Variants in AGPAT4 observed in about 807,000 individuals in gnomAD.
AGPAT4 encodes 1-acyl-sn-glycerol-3-phosphate acyltransferase delta.
Under a neutral mutation model 48.0 loss-of-function variants are expected in AGPAT4, and 15 were observed. That is an observed-to-expected ratio of 0.31 (90% CI 0.21 to 0.48). The LOEUF is 0.48. Ranked by LOEUF, AGPAT4 falls within the 20% of genes least tolerant of loss-of-function variation. AGPAT4 has a pLI of 0.99. For synonymous variants in AGPAT4, 178 were observed against 198.7 expected (o/e 0.90, Z 0.88); for missense variants, 314 against 482.5 (o/e 0.65, Z 3.27).
rs948466760 is a variant in AGPAT4, at chr6:161,130,651, G to A, written c.*5889C>T. 1.1e-5 allele frequency: 3 copies of A among 278,358 alleles called. No homozygotes were observed. The highest frequency in any genetic ancestry group is 6.5e-5 in the African/African-American group (3 of 45,832). The allele number at this position is 278,358 out of a possible 1,614,324, so 17.2% of individuals were successfully genotyped here. ...TCCTTGATAGAACAAGCAAAAGAGG[G>A]GCTGATCCATCTCCCGTGAACATCT... On this transcript the variant is annotated 3_prime_UTR_variant, in exon 9 of 9. Transcript: ENST00000320285.
In AGPAT4 at chr6:161,242,863, A is replaced by T. The variant is rs1464189015; in HGVS notation, c.-89-10561T>A. On this transcript the variant is annotated intron_variant, in intron 1 of 8. Coordinates refer to ENST00000320285, the MANE Select transcript of AGPAT4 (RefSeq NM_020133.3). The surrounding 1 kb of genome is among the most constrained non-coding windows in gnomAD (Gnocchi z 5.0). ...TGGGTGGCTCACCTGAGGTCAGGAG[A>T]TCGAGGCCAGCCTGGCCAACATAGT... is the stretch of plus-strand genomic sequence containing the variant. Among the ~76,000 whole-genome samples, 1 of 152,026 alleles carries T rather than the reference A, an allele frequency of 6.6e-6. No individual in the cohort carries two copies. The highest frequency in any genetic ancestry group is 1.5e-5 in the Non-Finnish European group (1 of 67,998).
intron 2 of AGPAT4, among the ~76,000 whole-genome samples, chr6:161,209,188 C>A (rs940270912): frequency 6.6e-6 from 1 of 152,072 alleles, no homozygotes; most frequent in African/African-American, 2.4e-5. Flanking sequence ...ACTCCAGCAC[C>A]CTCTGGAGAA....
At chr6:161,170,773 T>C (rs1018219547) in intron 2 of AGPAT4, among the ~76,000 whole-genome samples, 3 of 152,294 alleles carry the variant, frequency 2.0e-5, no homozygotes, top group Non-Finnish European at 4.4e-5. Flanking sequence ...ATGTCTGTCA[T>C]TCAAATTAGA....
Position 161,242,011 on chromosome 6 carries a change from G to A in AGPAT4, c.-89-9709C>T, listed in dbSNP as rs1348410176. On this transcript the variant is annotated intron_variant, in intron 1 of 8. Coordinates refer to ENST00000320285, the MANE Select transcript of AGPAT4 (RefSeq NM_020133.3). The surrounding 1 kb of genome is among the most constrained non-coding windows in gnomAD (Gnocchi z 5.0). ...GCCTTCCAAAGTGCTGGGATTACAGGCGTGAGCCACAGCACCTGGCCAAAA... is the reference window on the plus strand; with the variant it reads ...GCCTTCCAAAGTGCTGGGATTACAGACGTGAGCCACAGCACCTGGCCAAAA... Among the ~76,000 whole-genome samples, 1 of 152,224 alleles carries A rather than the reference G, an allele frequency of 6.6e-6. No homozygotes were observed. Among genetic ancestry groups the A allele is most frequent in the African/African-American group, 2.4e-5 (1 of 41,462 alleles).
At chr6:161,258,343 G>A (rs544137762) in intron 1 of AGPAT4, among the ~76,000 whole-genome samples, 1 of 152,030 alleles carries the variant, frequency 6.6e-6, no homozygotes, top group Admixed American at 6.5e-5. Context: ...TCCTGCAAAC[G>A]GGTTGGCAGA....
chr6:161,270,160 T>C lies in AGPAT4; in HGVS notation c.-90+3778A>G, dbSNP rs78255378. On this transcript the variant is annotated intron_variant, in intron 1 of 8. Coordinates refer to ENST00000320285, the MANE Select transcript of AGPAT4 (RefSeq NM_020133.3). This position sits in a 1 kb window ranked among gnomAD's most constrained non-coding sequence, Gnocchi z 5.3. Reference sequence around the variant, plus strand: ...AACTATAACTATTTAAACTGTATCTTGTTTTGCTCACAGTTGCATCTGTGG... The same window carrying C: ...AACTATAACTATTTAAACTGTATCTCGTTTTGCTCACAGTTGCATCTGTGG... 0.01 allele frequency among the ~76,000 whole-genome samples: 1,534 copies of C among 152,316 alleles called. 22 individuals carry two copies. Among genetic ancestry groups the C allele is most frequent in the East Asian group, 0.032 (165 of 5,184 alleles).
At chr6:161,173,254 C>T (rs1039835504) in intron 2 of AGPAT4, among the ~76,000 whole-genome samples, 1 of 152,186 alleles carries the variant, frequency 6.6e-6, no homozygotes, top group African/African-American at 2.4e-5. Context: ...GTTTACAGTC[C>T]CATCAACAGT....
rs1449249320 is a variant in AGPAT4 at position 161,238,755 on chromosome 6, G to A, written c.-89-6453C>T. ...ACCAGTGGGAGGTAACTGAATCATG[G>A]GAGTGGTTACCCTGATGCTGTTCTT... On this transcript the variant is annotated intron_variant, in intron 1 of 8. Coordinates refer to ENST00000320285, the MANE Select transcript of AGPAT4 (RefSeq NM_020133.3). This position sits in a 1 kb window ranked among gnomAD's most constrained non-coding sequence, Gnocchi z 5.2. 6.6e-6 allele frequency among the ~76,000 whole-genome samples: 1 copy of A among 152,116 alleles called. No homozygotes were observed. Among genetic ancestry groups the A allele is most frequent in the Admixed American group, 6.5e-5 (1 of 15,270 alleles).
Position 161,158,982 on chromosome 6 carries a change from A to T in AGPAT4, c.349-4672T>A, listed in dbSNP as rs777552627. 6.6e-6 allele frequency among the ~76,000 whole-genome samples: 1 copy of T among 152,222 alleles called. No homozygotes were observed. The highest frequency in any genetic ancestry group is 1.5e-5 in the Non-Finnish European group (1 of 68,038). On this transcript the variant is annotated intron_variant, in intron 3 of 8. Transcript: ENST00000320285. This position sits in a 1 kb window ranked among gnomAD's most constrained non-coding sequence, Gnocchi z 5.3. The stretch of plus-strand genomic sequence containing the variant: ...TCCCAGTAGGGTTACCAGTTAGTCA[A>T]GTGAGCCAAGGTCATTTATTTCTAC...
At position 161,165,693 on chromosome 6, in the gene AGPAT4, A is replaced by G. The variant is rs546767535; in HGVS notation, c.348+555T>C. The G allele has an allele frequency of 1.8e-5, 21 of 1,190,338 alleles. No individual in the cohort carries two copies. The Admixed American group carries it at 3.9e-4, about 22-fold the overall frequency. The allele number at this position is 1,190,338 out of a possible 1,614,324, so 73.7% of individuals were successfully genotyped here. A position where few individuals can be genotyped will look rare whatever the true frequency, so the allele number is the denominator to read the frequency against. On this transcript the variant is annotated intron_variant, in intron 3 of 8. Coordinates refer to ENST00000320285, the MANE Select transcript of AGPAT4 (RefSeq NM_020133.3). The surrounding 1 kb of genome is among the most constrained non-coding windows in gnomAD (Gnocchi z 5.5). ...AGAGACCCAGTTCCAAAGGCATGCA[A>G]GCTACGTGCAAGAGGTCAAACTAGT...
rs1048417911 is a variant in AGPAT4, at chr6:161,218,278, C to T, written c.178+13758G>A. Among the ~76,000 whole-genome samples, 10 of 152,096 alleles carry T rather than the reference C, an allele frequency of 6.6e-5. No homozygotes were observed. The highest frequency in any genetic ancestry group is 2.6e-4 in the Admixed American group (4 of 15,268). On this transcript the variant is annotated intron_variant, in intron 2 of 8. Transcript: ENST00000320285. This position sits in a 1 kb window ranked among gnomAD's most constrained non-coding sequence, Gnocchi z 4.7. ...AAAAAGCCCTGATTTATAGTTCTGC[C>T]GATTTCTATGGTGCAAATATTCCCA...
At chr6:161,185,713 A>C (rs1265446137) in intron 2 of AGPAT4, among the ~76,000 whole-genome samples, 1 of 152,168 alleles carries the variant, frequency 6.6e-6, no homozygotes, top group African/African-American at 2.4e-5. Flanking sequence ...TCCAGGAAGC[A>C]ATGATCATCA....
rs1436945202 is a variant in AGPAT4 at position 161,130,219 on chromosome 6, C to T, written c.*6321G>A. ...CATCCACCCAATCCACACGTTCTCT[C>T]AAAGACTAGCATGGTTCTGTCCAAT... On this transcript the variant is annotated 3_prime_UTR_variant, in exon 9 of 9. Transcript: ENST00000320285. 1 of 152,216 alleles carries T rather than the reference C, an allele frequency of 6.6e-6. No homozygotes were observed. The highest frequency in any genetic ancestry group is 1.5e-5 in the Non-Finnish European group (1 of 68,070). The allele number at this position is 152,216 out of a possible 1,614,324, so 9.4% of individuals were successfully genotyped here. A position where few individuals can be genotyped will look rare whatever the true frequency, so the allele number is the denominator to read the frequency against.
rs1169133712 is a variant in AGPAT4 at position 161,161,563 on chromosome 6, G to A, written c.348+4685C>T. 4.4e-6 allele frequency: 2 copies of A among 450,756 alleles called. No individual in the cohort carries two copies. The highest frequency in any genetic ancestry group is 4.0e-5 in the African/African-American group (2 of 50,044). The allele number at this position is 450,756 out of a possible 1,614,324, so 27.9% of individuals were successfully genotyped here. A position where few individuals can be genotyped will look rare whatever the true frequency, so the allele number is the denominator to read the frequency against. On this transcript the variant is annotated intron_variant, in intron 3 of 8. Transcript: ENST00000320285. This position sits in a 1 kb window ranked among gnomAD's most constrained non-coding sequence, Gnocchi z 4.6. The stretch of plus-strand genomic sequence containing the variant: ...TAGGCTCAGGTGATGCCAGCAGTGA[G>A]CAGGGTGCAAGACCACCCTACAGAG...
intron 1 of AGPAT4, among the ~76,000 whole-genome samples, chr6:161,271,441 G>A (rs4708901): frequency 0.28 from 43,062 of 152,112 alleles, 7,510 homozygotes; most frequent in African/African-American, 0.47. Flanking sequence ...TTTTAAGCTT[G>A]AGAGCACAGA....
Position 161,270,978 on chromosome 6 carries a change from T to C in AGPAT4, c.-90+2960A>G, listed in dbSNP as rs1262197337. Among the ~76,000 whole-genome samples, 1 of 152,214 alleles carries C rather than the reference T, an allele frequency of 6.6e-6. No homozygotes were observed. Among genetic ancestry groups the C allele is most frequent in the Non-Finnish European group, 1.5e-5 (1 of 68,036 alleles). On this transcript the variant is annotated intron_variant, in intron 1 of 8. Transcript: ENST00000320285. The surrounding 1 kb of genome is among the most constrained non-coding windows in gnomAD (Gnocchi z 5.3). ...CCTGGTTGCGTCTTCCCCAGTTTCA[T>C]ACCTGTTTAAAGTCTAGTGTAAGTC...
chr6:161,260,912 C>T (rs1205137118), intron 1 of AGPAT4, among the ~76,000 whole-genome samples: 1 of 152,040 alleles, frequency 6.6e-6, no homozygotes, highest in African/African-American at 2.4e-5. Flanking sequence ...AATAAATAAA[C>T]GTCAGGGTTA....
rs1781264007 is a variant in AGPAT4, at chr6:161,202,526, A to G, written c.178+29510T>C. Reference sequence around the variant, plus strand: ...AGTTACTAGCCCGCACTCAGGAGTTAGGGAAATGGGGTTTCACTTTTTTCA... The same window carrying G: ...AGTTACTAGCCCGCACTCAGGAGTTGGGGAAATGGGGTTTCACTTTTTTCA... On this transcript the variant is annotated intron_variant, in intron 2 of 8. Transcript: ENST00000320285. The surrounding 1 kb of genome is among the most constrained non-coding windows in gnomAD (Gnocchi z 5.4). 6.6e-6 allele frequency among the ~76,000 whole-genome samples: 1 copy of G among 152,174 alleles called. No homozygotes were observed. Among genetic ancestry groups the G allele is most frequent in the African/African-American group, 2.4e-5 (1 of 41,434 alleles).
At chr6:161,175,827 G>GT (rs139192416) in intron 2 of AGPAT4, among the ~76,000 whole-genome samples, 23,780 of 152,046 alleles carry the variant, frequency 0.16, 2,223 homozygotes, top group Non-Finnish European at 0.22. Context: ...AGAGATTCTG[G>GT]TATGTTATGT....
Sources: gnomAD v4.1 joint callset for allele counts (sites outside exome capture counted in the v4.1 genomes callset) on GRCh38, gnomAD v4.1.1 for gene constraint, Gnocchi (gnomAD v3.1) non-coding constraint, MANE v1.5 for transcripts, NCBI Gene and HGNC (gene_info 2026-07-23, HGNC 2026-07-21) for gene names.